RABGAP1: variants seen among roughly 807,000 people sequenced by gnomAD.
RABGAP1 encodes RAB GTPase activating protein 1, also known as rab GTPase-activating protein 1.
In RABGAP1, 23 loss-of-function variants were observed where a neutral mutation model predicts 137.6. The observed-to-expected ratio is 0.17, with a 90% CI of 0.12 to 0.24. The LOEUF is 0.24. Among genes scored for constraint, RABGAP1 ranks in the 10% least tolerant of loss-of-function variants. RABGAP1 has a pLI of 1.00. For synonymous variants in RABGAP1, 451 were observed against 450.7 expected (o/e 1.00, Z -0.01); for missense variants, 906 against 1,275.8 (o/e 0.71, Z 4.42).
intron 2 of RABGAP1, among the ~76,000 whole-genome samples, chr9:122,982,200 C>G (rs1410502530): frequency 6.6e-6 from 1 of 152,078 alleles, no homozygotes; most frequent in Non-Finnish European, 1.5e-5. Flanking sequence ...ATTTTTAAAC[C>G]ACTCTTACCA....
chr9:123,034,950 C>T, intron 13 of RABGAP1: 1 of 1,613,126 alleles, frequency 6.2e-7, no homozygotes, highest in Non-Finnish European at 8.5e-7. Context: ...TTGATAGATA[C>T]ATTGCCATTA....
chr9:122,992,696 T>C (rs1836800174), intron 6 of RABGAP1, among the ~76,000 whole-genome samples: 1 of 148,394 alleles, frequency 6.7e-6, no homozygotes, highest in Non-Finnish European at 1.5e-5. Flanking sequence ...TAATATATAT[T>C]ATTTAGGTAT....
At chr9:122,969,467 A>C (rs1273219680) in intron 2 of RABGAP1, among the ~76,000 whole-genome samples, 1 of 152,210 alleles carries the variant, frequency 6.6e-6, no homozygotes, top group Non-Finnish European at 1.5e-5. Flanking sequence ...TTTGTATATT[A>C]TGTAAGGTTA....
chr9:123,059,350 C>T (rs1051468353), intron 13 of RABGAP1, among the ~76,000 whole-genome samples: 6 of 151,940 alleles, frequency 3.9e-5, no homozygotes, highest in Admixed American at 2.6e-4. Flanking sequence ...GTCAGGAGAT[C>T]GAGACCATCC....
chr9:123,089,889 G>C, intron 20 of RABGAP1, 39 bp downstream of exon 20: 1 of 1,535,928 alleles, frequency 6.5e-7, no homozygotes, highest in Non-Finnish European at 9.0e-7. Context: ...GAGCTCCCAT[G>C]CTTTCATTTC....
intron 6 of RABGAP1, among the ~76,000 whole-genome samples, chr9:122,991,493 A>G (rs924626351): frequency 6.6e-6 from 1 of 152,176 alleles, no homozygotes; most frequent in African/African-American, 2.4e-5. Context: ...TGGAATTGTC[A>G]TGCCATCTGG....
intron 14 of RABGAP1, among the ~76,000 whole-genome samples, chr9:123,068,378 T>C (rs912683763): frequency 3.3e-5 from 5 of 149,916 alleles, no homozygotes; most frequent in Non-Finnish European, 7.4e-5. Context: ...AAAAAATCCA[T>C]ATCTAGACAT....
At chr9:123,076,381 C>T (rs2034510775) in intron 18 of RABGAP1, 95 bp downstream of exon 18, 2 of 1,381,124 alleles carry the variant, frequency 1.4e-6, no homozygotes, top group Non-Finnish European at 1.0e-6. Context: ...TCACTGTGCA[C>T]TAGCATTACC....
chr9:122,989,157 T>C (rs1392283449), intron 4 of RABGAP1, 140 bp from the exon 5 acceptor site: 2 of 750,886 alleles, frequency 2.7e-6, no homozygotes, highest in Non-Finnish European at 4.4e-6. Context: ...TATGAGTTAC[T>C]TATTAAAATT....
chr9:122,952,249 T>A (rs901776104), intron 1 of RABGAP1, among the ~76,000 whole-genome samples: 9 of 151,766 alleles, frequency 5.9e-5, no homozygotes, highest in African/African-American at 2.2e-4. Flanking sequence ...TTTTTTTAAA[T>A]TTTTTATTTT....
chr9:123,015,977 C>T (rs1022585905), intron 12 of RABGAP1, among the ~76,000 whole-genome samples: 2 of 152,018 alleles, frequency 1.3e-5, no homozygotes, highest in African/African-American at 4.8e-5. Flanking sequence ...GGTGTTCACA[C>T]AATGCATAGA....
intron 21 of RABGAP1, among the ~76,000 whole-genome samples, chr9:123,092,915 A>G (rs2035072116): frequency 6.6e-6 from 1 of 152,166 alleles, no homozygotes; most frequent in South Asian, 2.1e-4. Flanking sequence ...AGGGCTCAGG[A>G]GCATCACACC....
At chr9:123,095,610 G>C (rs1169697894) in intron 21 of RABGAP1, among the ~76,000 whole-genome samples, 1 of 152,026 alleles carries the variant, frequency 6.6e-6, no homozygotes, top group Non-Finnish European at 1.5e-5. Context: ...GCTGAGATGG[G>C]AGTATTGTTT....
At chr9:123,073,464 T>G (rs894353066) in intron 15 of RABGAP1, 88 bp from the exon 16 acceptor site, 2 of 1,488,464 alleles carry the variant, frequency 1.3e-6, no homozygotes, top group African/African-American at 1.4e-5. Flanking sequence ...AATATAAAGC[T>G]GGATTTAATA....
the RABGAP1 span, among the ~76,000 whole-genome samples, chr9:122,935,439 T>C: frequency 4.6e-5 from 7 of 152,062 alleles, no homozygotes; most frequent in Admixed American, 3.9e-4. Flanking sequence ...CCGGGTTCAA[T>C]TGATTCTCCT....
intron 13 of RABGAP1, among the ~76,000 whole-genome samples, chr9:123,060,637 A>G (rs1017465856): frequency 6.6e-6 from 1 of 152,220 alleles, no homozygotes; most frequent in Non-Finnish European, 1.5e-5. Flanking sequence ...CAGTAATTTC[A>G]TATTCTCACC....
chr9:123,061,831 C>T (rs976259055), intron 13 of RABGAP1: 4 of 152,338 alleles, frequency 2.6e-5, no homozygotes, highest in African/African-American at 9.6e-5. Flanking sequence ...TTTATAAAAA[C>T]TTGTCTGTTA....
At chr9:123,024,184 A>C (rs149213619) in intron 13 of RABGAP1, among the ~76,000 whole-genome samples, 64 of 152,284 alleles carry the variant, frequency 4.2e-4, no homozygotes, top group African/African-American at 1.5e-3. Flanking sequence ...TTAAAGTGAA[A>C]ATTTTTTAGG....
intron 10 of RABGAP1, among the ~76,000 whole-genome samples, chr9:123,008,794 G>A (rs1297048029): frequency 2.0e-5 from 3 of 152,056 alleles, no homozygotes; most frequent in Non-Finnish European, 4.4e-5. Flanking sequence ...TGTGGAACTT[G>A]GATTTACATG....
Sources: allele counts gnomAD v4.1 joint callset (sites outside exome capture counted in the v4.1 genomes callset), GRCh38; gene constraint gnomAD v4.1.1; transcripts MANE v1.5; gene names NCBI Gene and HGNC (gene_info 2026-07-23, HGNC 2026-07-21).